The following DCUN1D4 variants were observed in gnomAD, a reference collection of about 807,000 sequenced individuals.
The protein encoded by DCUN1D4 is DCN1-like protein 4.
Under a neutral mutation model 47.9 loss-of-function variants are expected in DCUN1D4, and 22 were observed. The ratio of observed to expected loss-of-function variants is 0.46; its 90% CI spans 0.33 to 0.66. DCUN1D4 has a LOEUF of 0.66. Among genes scored for constraint, DCUN1D4 ranks in the 30% least tolerant of loss-of-function variants. DCUN1D4 has a pLI of 0.02. For missense variants in DCUN1D4, 301 were observed against 340.8 expected (o/e 0.88, Z 0.92); for synonymous variants, 121 against 112.2 (o/e 1.08, Z -0.50).
At position 51,899,250 on chromosome 4, in the gene DCUN1D4, C is replaced by T. The variant is rs775713498; in HGVS notation, c.507-20C>T. The T allele has an allele frequency of 1.3e-6, 2 of 1,575,220 alleles. No homozygotes were observed. The highest frequency in any genetic ancestry group is 1.7e-6 in the Non-Finnish European group (2 of 1,165,352). ...ATAAATGAACTCAGGTCATAATTTG[C>T]CTTTATTCTGTTTTTCTAGATGTGA... On this transcript the variant is annotated intron_variant, in intron 7 of 10. Transcript: ENST00000334635.
intron 1 of DCUN1D4, chr4:51,844,473 C>T: frequency 1.1e-6 from 1 of 936,768 alleles, no homozygotes; most frequent in Non-Finnish European, 1.3e-6. Context: ...GTTTCAGCAG[C>T]GGGAGCCGGA....
At chr4:51,841,135 C>T (rs1432516049), upstream of DCUN1D4, among the ~76,000 whole-genome samples, 1 of 151,982 alleles carries the variant, frequency 6.6e-6, no homozygotes, top group Non-Finnish European at 1.5e-5. Context: ...AAATGACTAG[C>T]TATAATTAAT....
At chr4:51,842,233 GGT>G (rs1188545270), upstream of DCUN1D4, among the ~76,000 whole-genome samples, 1 of 152,120 alleles carries the variant, frequency 6.6e-6, no homozygotes, top group Non-Finnish European at 1.5e-5. Context: ...TGCCGCCGGG[GGT>G]CTTTCACGGG....
intron 1 of DCUN1D4, among the ~76,000 whole-genome samples, chr4:51,862,638 G>A (rs1481234491): frequency 6.6e-6 from 1 of 152,108 alleles, no homozygotes; most frequent in Admixed American, 6.5e-5. Context: ...AATACTTCCA[G>A]TGGTACTTAT....
chr4:51,859,191 G>A (rs1724624627), intron 1 of DCUN1D4, among the ~76,000 whole-genome samples: 2 of 152,122 alleles, frequency 1.3e-5, no homozygotes, highest in South Asian at 2.1e-4. Context: ...GCTTTACAAC[G>A]TTGGGTCTTT....
intron 3 of DCUN1D4, chr4:51,865,440 T>C: frequency 6.4e-6 from 1 of 155,080 alleles, no homozygotes; most frequent in Non-Finnish European, 1.4e-5. Flanking sequence ...GTGGTATGCT[T>C]GGAGAGCTGG....
At chr4:51,885,183 G>T (rs1170697166) in intron 5 of DCUN1D4, among the ~76,000 whole-genome samples, 2 of 152,188 alleles carry the variant, frequency 1.3e-5, no homozygotes, top group African/African-American at 4.8e-5. Flanking sequence ...GATTGCGTTT[G>T]AAGTGGATCC....
chr4:51,834,042 T>TTCTCTC, the DCUN1D4 span, among the ~76,000 whole-genome samples: 220 of 51,890 alleles, frequency 4.2e-3, no homozygotes, highest in Non-Finnish European at 5.2e-3. Context: ...TTAGGAGTCT[T>TTCTCTC]TCTCTCTCTC....
At position 51,891,781 on chromosome 4, in the gene DCUN1D4, T is replaced by C. The variant is rs748696418; in HGVS notation, c.436T>C (p.Trp146Arg). Residue 146 changes from tryptophan to arginine, a missense_variant, in exon 7 of 11, where the codon TGG (tryptophan) becomes CGG (arginine). Physicochemically the swap from Trp to Arg is moderately radical, Grantham distance 101 (BLOSUM62 -3). Transcript: ENST00000334635. ...PENVVMLVLAWKLDAQNMGYF... is the reference protein window; with the variant it reads ...PENVVMLVLARKLDAQNMGYF... ...ACAGGTAGTTATGCTTGTCCTAGCTTGGAAATTGGATGCACAAAACATGGG... is the reference window on the plus strand; with the variant it reads ...ACAGGTAGTTATGCTTGTCCTAGCTCGGAAATTGGATGCACAAAACATGGG... The C allele has an allele frequency of 6.2e-7, 1 of 1,613,036 alleles. No individual in the cohort carries two copies. Among genetic ancestry groups the C allele is most frequent in the Non-Finnish European group, 8.5e-7 (1 of 1,179,502 alleles).
At chr4:51,878,949 G>T (rs1032946515) in intron 5 of DCUN1D4, among the ~76,000 whole-genome samples, 1 of 152,178 alleles carries the variant, frequency 6.6e-6, no homozygotes, top group African/African-American at 2.4e-5. Flanking sequence ...TGGCCACAGA[G>T]ATTGGTCTAG....
Position 51,843,273 on chromosome 4 carries a change from T to G in DCUN1D4, c.25+6T>G. The G allele has an allele frequency of 3.3e-6, 5 of 1,537,090 alleles. No individual in the cohort carries two copies. The highest frequency in any genetic ancestry group is 4.4e-6 in the Non-Finnish European group (5 of 1,141,962). ...CTCGGATGCCGCCGCTGTCAGTGAG[T>G]AGCAGAGAGCCAGCCAGCGGGCCGG... On this transcript the variant is annotated splice_donor_region_variant and intron_variant, in intron 1 of 10. Coordinates refer to ENST00000334635, the MANE Select transcript of DCUN1D4 (RefSeq NM_001040402.3).
At chr4:51,882,849 G>A (rs1335181661) in intron 5 of DCUN1D4, among the ~76,000 whole-genome samples, 1 of 151,838 alleles carries the variant, frequency 6.6e-6, no homozygotes, top group Non-Finnish European at 1.5e-5. Context: ...AAAGAGAGAG[G>A]AATTTTAAAA....
the DCUN1D4 span, among the ~76,000 whole-genome samples, chr4:51,836,797 C>G: frequency 1.3e-5 from 2 of 152,172 alleles, no homozygotes; most frequent in Non-Finnish European, 2.9e-5. Context: ...TCCCCATCCA[C>G]TCTCCCAGAA....
chr4:51,912,956 C>T (rs928017899), intron 9 of DCUN1D4, among the ~76,000 whole-genome samples: 1 of 152,088 alleles, frequency 6.6e-6, no homozygotes, highest in African/African-American at 2.4e-5. Context: ...TCTTTTAATT[C>T]TTATAATATC....
At chr4:51,837,266 A>G in the DCUN1D4 span, among the ~76,000 whole-genome samples, 2 of 152,236 alleles carry the variant, frequency 1.3e-5, no homozygotes, top group Admixed American at 6.5e-5. Flanking sequence ...TCCATAAAAT[A>G]AAAGGTCCTG....
chr4:51,882,398 C>T (rs111691921), intron 5 of DCUN1D4, among the ~76,000 whole-genome samples: 1 of 152,028 alleles, frequency 6.6e-6, no homozygotes, highest in East Asian at 1.9e-4. Context: ...GGATGCACGA[C>T]GGGGAGAGGA....
At chr4:51,876,570 C>CA (rs1041468674) in intron 4 of DCUN1D4, among the ~76,000 whole-genome samples, 401 of 144,834 alleles carry the variant, frequency 2.8e-3, no homozygotes, top group Non-Finnish European at 4.2e-3. Context: ...AAGTATAATA[C>CA]AAAAAAAAAA....
chr4:51,862,948 CTGCAGTGAACCA>C (rs1177787394), intron 1 of DCUN1D4, among the ~76,000 whole-genome samples: 2 of 152,132 alleles, frequency 1.3e-5, no homozygotes, highest in African/African-American at 4.8e-5. Flanking sequence ...GAGTCTGAGG[CTGCAGTGAACCA>C]TGATTGCACC....
chr4:51,848,289 G>C, intron 1 of DCUN1D4: 1 of 1,289,178 alleles, frequency 7.8e-7, no homozygotes, highest in Non-Finnish European at 1.0e-6. Flanking sequence ...CAGAAGGAGT[G>C]TTTGTGAATG....
Sources: allele counts gnomAD v4.1 joint callset (sites outside exome capture counted in the v4.1 genomes callset), GRCh38; gene constraint gnomAD v4.1.1; transcripts MANE v1.5; gene names NCBI Gene and HGNC (gene_info 2026-07-23, HGNC 2026-07-21).